The following GLIPR1L2 variants were observed in gnomAD, a reference collection of about 807,000 sequenced individuals.
The protein encoded by GLIPR1L2 is GLIPR1-like protein 2.
GLIPR1L2 carries 21 observed loss-of-function variants against 28.4 expected under a neutral mutation model. The ratio of observed to expected loss-of-function variants is 0.74; its 90% CI spans 0.52 to 1.06. GLIPR1L2 has a LOEUF of 1.06. GLIPR1L2 is among the 50% of genes least tolerant of loss of function. The pLI, the probability that GLIPR1L2 is intolerant of heterozygous loss-of-function variation, is 0.00. For missense variants in GLIPR1L2, 476 were observed against 416.9 expected, an observed-to-expected ratio of 1.14 and a Z score of -1.23; for synonymous variants, 145 against 139.3, an observed-to-expected ratio of 1.04 and a Z score of -0.29.
At chr12:75,398,227 G>C (rs1305228391) in intron 1 of GLIPR1L2, among the ~76,000 whole-genome samples, 1 of 150,444 alleles carries the variant, frequency 6.6e-6, no homozygotes, top group Non-Finnish European at 1.5e-5. Context: ...TACTCCGAAG[G>C]CTGAGGCAGG....
At chr12:75,392,413 T>C (rs527477875) in intron 1 of GLIPR1L2, among the ~76,000 whole-genome samples, 1 of 152,350 alleles carries the variant, frequency 6.6e-6, no homozygotes, top group Non-Finnish European at 1.5e-5. Context: ...AATACTATTT[T>C]GATAGGACAT....
intron 3 of GLIPR1L2, among the ~76,000 whole-genome samples, chr12:75,417,029 G>A (rs1447172781): frequency 6.6e-6 from 1 of 152,074 alleles, no homozygotes; most frequent in Non-Finnish European, 1.5e-5. Context: ...GGTATAGTGG[G>A]ATGAATGGTG....
intron 3 of GLIPR1L2, among the ~76,000 whole-genome samples, chr12:75,418,908 C>T (rs1161223817): frequency 1.3e-5 from 2 of 151,864 alleles, no homozygotes; most frequent in Non-Finnish European, 2.9e-5. Context: ...CAAACTAACA[C>T]AAGAACAGAA....
intron 3 of GLIPR1L2, among the ~76,000 whole-genome samples, chr12:75,419,163 TA>T (rs2045953397): frequency 6.6e-6 from 1 of 152,082 alleles, no homozygotes; most frequent in Admixed American, 6.6e-5. Context: ...AGTATAATTT[TA>T]AAAATTAAAT....
rs1267671857 is a variant in GLIPR1L2, at chr12:75,409,728, C to T, written c.235-706C>T. On this transcript the variant is annotated intron_variant, in intron 1 of 5. Transcript: ENST00000550916. ...ATATATATAAGATGTATATCTAATC[C>T]GATATATATAAGATGTATATCTAAT... is the stretch of plus-strand genomic sequence containing the variant. Among the ~76,000 whole-genome samples the T allele has an allele frequency of 4.4e-5, 4 of 91,838 alleles. No individual in the cohort carries two copies. In the East Asian group the frequency reaches 1.0e-3, roughly 23 times the overall value. The allele number at this position is 91,838 out of a possible 152,430, so 60.2% of individuals were successfully genotyped here.
At chr12:75,411,008 T>G (rs2045861403) in intron 2 of GLIPR1L2, among the ~76,000 whole-genome samples, 1 of 151,842 alleles carries the variant, frequency 6.6e-6, no homozygotes, top group Non-Finnish European at 1.5e-5. Flanking sequence ...TATAAACATA[T>G]GTAGAATATG....
chr12:75,392,261 T>C (rs2045626759), intron 1 of GLIPR1L2, among the ~76,000 whole-genome samples: 2 of 152,222 alleles, frequency 1.3e-5, no homozygotes, highest in Admixed American at 1.3e-4. Context: ...CACATAGCAA[T>C]TGCTATGCTA....
intron 1 of GLIPR1L2, among the ~76,000 whole-genome samples, chr12:75,406,773 AAGAGAGAGAGAGAG>A (rs772979370): frequency 6.9e-6 from 1 of 145,122 alleles, no homozygotes; most frequent in Non-Finnish European, 1.5e-5. Context: ...AAAAAAAAAA[AAGAGAGAGAGAGAG>A]AAAGAGAGAG....
intron 1 of GLIPR1L2, among the ~76,000 whole-genome samples, chr12:75,400,108 C>A (rs778293550): frequency 1.3e-5 from 2 of 151,858 alleles, no homozygotes; most frequent in East Asian, 3.9e-4. Flanking sequence ...AGAATGAGAA[C>A]GTTTTTTATT....
chr12:75,412,685 T>C (rs1344825343), intron 2 of GLIPR1L2, among the ~76,000 whole-genome samples: 2 of 151,568 alleles, frequency 1.3e-5, no homozygotes, highest in African/African-American at 4.8e-5. Flanking sequence ...CATTAAAAAG[T>C]CAGGAAACAA....
intron 3 of GLIPR1L2, among the ~76,000 whole-genome samples, chr12:75,415,737 G>A (rs1007305485): frequency 6.6e-6 from 1 of 152,024 alleles, no homozygotes; most frequent in African/African-American, 2.4e-5. Context: ...CTCTTCTTCT[G>A]GAGCTGCCCA....
chr12:75,420,101 G>T (rs1162907197), intron 3 of GLIPR1L2, among the ~76,000 whole-genome samples: 1 of 152,208 alleles, frequency 6.6e-6, no homozygotes, highest in African/African-American at 2.4e-5. Flanking sequence ...CGAGTTGTAA[G>T]TAGTCTAGTT....
In GLIPR1L2 at chr12:75,431,020, T is replaced by C. The variant is rs751159778; in HGVS notation, c.894T>C (p.Asn298=). The C allele has an allele frequency of 6.6e-7, 1 of 1,524,728 alleles. No individual in the cohort carries two copies. The highest frequency in any genetic ancestry group is 1.2e-5 in the South Asian group (1 of 83,710). The allele number at this position is 1,524,728 out of a possible 1,614,324, so 94.4% of individuals were successfully genotyped here. Residue 298 remains asparagine (N), a synonymous_variant, in exon 6 of 6, where the codon AAT becomes AAC. Coordinates refer to ENST00000550916, the MANE Select transcript of GLIPR1L2 (RefSeq NM_001270396.2). ...IFTPEESEAG[N]EEEEKEEEKK... The stretch of plus-strand genomic sequence containing the variant: ...CCCCTGAGGAATCTGAAGCAGGGAA[T>C]GAAGAGGAGGAAAAAGAGGAAGAGA...
rs376456819 is a variant in GLIPR1L2, at chr12:75,413,675, A to T, written c.558A>T (p.Ala186=). 1.3e-6 allele frequency: 2 copies of T among 1,525,232 alleles called. No individual in the cohort carries two copies. Among genetic ancestry groups the T allele is most frequent in the African/African-American group, 2.8e-5 (2 of 71,088 alleles). The allele number at this position is 1,525,232 out of a possible 1,614,324, so 94.5% of individuals were successfully genotyped here. The part of the protein sequence containing the change: ...CSKIGHIIHA[A]IFICNYAPGG... Reference sequence around the variant, plus strand: ...AAATTGGACATATTATACATGCAGCAATTTTCATATGCAACTATGCGCCAG... The same window carrying T: ...AAATTGGACATATTATACATGCAGCTATTTTCATATGCAACTATGCGCCAG... Residue 186 remains alanine, a synonymous_variant, in exon 3 of 6, where the codon GCA becomes GCT. Transcript: ENST00000550916.
At chr12:75,424,923 T>C (rs1482088043) in intron 4 of GLIPR1L2, among the ~76,000 whole-genome samples, 1 of 151,122 alleles carries the variant, frequency 6.6e-6, no homozygotes, top group Non-Finnish European at 1.5e-5. Context: ...GGGAATGTAG[T>C]CATCTACACA....
rs185289565 is a variant in GLIPR1L2 at position 75,413,886 on chromosome 12, A to T, written c.584+185A>T. On this transcript the variant is annotated intron_variant, in intron 3 of 5. Coordinates refer to ENST00000550916, the MANE Select transcript of GLIPR1L2 (RefSeq NM_001270396.2). ...AATTGGACATATTGATTGTACTTAT[A>T]CACTAGCCAAATATTACTTCCTGGA... Among the ~76,000 whole-genome samples, 360 of 152,146 alleles carry T rather than the reference A, an allele frequency of 2.4e-3. 13 individuals are homozygous for T. Among genetic ancestry groups the T allele is most frequent in the Admixed American group, 0.023 (353 of 15,262 alleles).
At chr12:75,419,495 A>G (rs1018659146) in intron 3 of GLIPR1L2, among the ~76,000 whole-genome samples, 3 of 152,204 alleles carry the variant, frequency 2.0e-5, no homozygotes, top group Non-Finnish European at 2.9e-5. Context: ...GTTGTGATCA[A>G]ATAGGTACCA....
intron 4 of GLIPR1L2, among the ~76,000 whole-genome samples, chr12:75,428,757 C>A (rs1255006516): frequency 6.6e-6 from 1 of 152,194 alleles, no homozygotes. Flanking sequence ...TTCCCTGCCT[C>A]CCAGCCATTC....
At chr12:75,420,423 T>C (rs527839918) in intron 3 of GLIPR1L2, among the ~76,000 whole-genome samples, 2 of 152,296 alleles carry the variant, frequency 1.3e-5, no homozygotes, top group South Asian at 4.1e-4. Context: ...TGGAAATGGG[T>C]ACACTTCTCT....
Sources: gnomAD v4.1 joint callset for allele counts (sites outside exome capture counted in the v4.1 genomes callset) on GRCh38, gnomAD v4.1.1 for gene constraint, MANE v1.5 for transcripts, NCBI Gene and HGNC (gene_info 2026-07-23, HGNC 2026-07-21) for gene names.